Variants in WBP1L observed in about 807,000 individuals in gnomAD.
WBP1L encodes WW domain binding protein 1 like, also known as WW domain binding protein 1-like.
A neutral mutation model predicts 33.7 loss-of-function variants in WBP1L; 17 were observed. The ratio of observed to expected loss-of-function variants is 0.50; its 90% confidence interval spans 0.34 to 0.76. The LOEUF (loss-of-function observed/expected upper bound fraction) is 0.76. Ranked by LOEUF, WBP1L falls within the 30% of genes least tolerant of loss-of-function variation. The probability of loss-of-function intolerance (pLI) is 0.01; values close to 1 mark genes in which losing one functional copy is unlikely to be tolerated. For missense variants in WBP1L, 389 were observed against 469.4 expected, an observed-to-expected ratio of 0.83 and a Z score of 1.58; for synonymous variants, 173 against 190.8, an observed-to-expected ratio of 0.91 and a Z score of 0.77.
rs769224395 is a variant in WBP1L at position 102,783,164 on chromosome 10, CAT to C, written c.91-14827_91-14826del. Among the ~76,000 whole-genome samples, 17 of 152,284 alleles carry C rather than the reference CAT, an allele frequency of 1.1e-4. No individual in the cohort carries two copies. The East Asian group carries it at 2.9e-3, about 26-fold the overall frequency. ...GGGCGGACCGCCAGCACAAATAGAA[CAT>C]ACAGTCATTCCTGCGTCTCTGTGTA... On this transcript the variant is annotated intron_variant, in intron 1 of 3. Coordinates refer to ENST00000448841, the MANE Select transcript of WBP1L (RefSeq NM_001083913.2).
At chr10:102,786,440 G>C (rs570598426) in intron 1 of WBP1L, among the ~76,000 whole-genome samples, 3 of 152,248 alleles carry the variant, frequency 2.0e-5, no homozygotes, top group African/African-American at 7.2e-5. Flanking sequence ...ACATAACCAG[G>C]GGAGCATGTT....
In WBP1L at chr10:102,814,216, G is replaced by A. The variant is rs1382003496; in HGVS notation, c.*885G>A. ...AGATGTCTCGTGTGAAGGCTGGGGT[G>A]GCGGCTGTCTTGGAACCTCTGTGAG... On this transcript the variant is annotated 3_prime_UTR_variant, in exon 4 of 4. Transcript: ENST00000448841. 2 of 152,260 alleles carry A rather than the reference G, an allele frequency of 1.3e-5. No individual in the cohort carries two copies. The highest frequency in any genetic ancestry group is 2.9e-5 in the Non-Finnish European group (2 of 68,048). 9.4% of individuals were successfully genotyped at this position (152,260 alleles called of 1,614,324 possible).
At position 102,815,931 on chromosome 10, in the gene WBP1L, C is replaced by T. The variant is rs1843935058; in HGVS notation, c.*2600C>T. On this transcript the variant is annotated 3_prime_UTR_variant, in exon 4 of 4. Coordinates refer to ENST00000448841, the MANE Select transcript of WBP1L (RefSeq NM_001083913.2). ...TTTGGCCCCCGCTACAGGATGCTGCCCTGCTCAGAGAGAGATTTAATAGGG... is the reference window on the plus strand; with the variant it reads ...TTTGGCCCCCGCTACAGGATGCTGCTCTGCTCAGAGAGAGATTTAATAGGG... 6.6e-6 allele frequency: 1 copy of T among 152,494 alleles called. No homozygotes were observed. 9.4% of individuals were successfully genotyped at this position (152,494 alleles called of 1,614,324 possible).
In WBP1L at chr10:102,781,398, T is replaced by C. The variant is rs565461243; in HGVS notation, c.91-16595T>C. On this transcript the variant is annotated intron_variant, in intron 1 of 3. Transcript: ENST00000448841. ...GAGGGAGGAGGTCTTATCTCCTTTT[T>C]GCTGTAAGGAAACTGAAACCCAGGG... Among the ~76,000 whole-genome samples the C allele has an allele frequency of 1.4e-3, 206 of 152,282 alleles. 1 individual carries two copies. Among genetic ancestry groups the C allele is most frequent in the African/African-American group, 4.8e-3 (201 of 41,552 alleles).
intron 1 of WBP1L, among the ~76,000 whole-genome samples, chr10:102,775,921 A>G (rs1843255053): frequency 6.6e-6 from 1 of 152,012 alleles, no homozygotes; most frequent in African/African-American, 2.4e-5. Context: ...GACTTGATTT[A>G]TGTACCCCCC....
chr10:102,746,770 A>G (rs1842868077), intron 1 of WBP1L, among the ~76,000 whole-genome samples: 1 of 152,216 alleles, frequency 6.6e-6, no homozygotes, highest in South Asian at 2.1e-4. Flanking sequence ...CTCATTCTGT[A>G]TCGAATAATG....
At chr10:102,747,358 CAAAAA>C (rs71019610) in intron 1 of WBP1L, among the ~76,000 whole-genome samples, 2 of 79,020 alleles carry the variant, frequency 2.5e-5, no homozygotes, top group Non-Finnish European at 5.0e-5. Flanking sequence ...GACTCCGTCT[CAAAAA>C]AAAAAAAAAA....
chr10:102,750,431 A>T (rs1385469969), intron 1 of WBP1L, among the ~76,000 whole-genome samples: 1 of 152,160 alleles, frequency 6.6e-6, no homozygotes, highest in African/African-American at 2.4e-5. Context: ...GGTAATTTAC[A>T]TGCCAAAAAA....
At chr10:102,762,299 A>C (rs1420754935) in intron 1 of WBP1L, among the ~76,000 whole-genome samples, 2 of 152,230 alleles carry the variant, frequency 1.3e-5, no homozygotes, top group Non-Finnish European at 1.5e-5. Context: ...CTTGACAATA[A>C]TCCCTTAATG....
At chr10:102,757,697 C>G (rs1389170042) in intron 1 of WBP1L, among the ~76,000 whole-genome samples, 4 of 149,218 alleles carry the variant, frequency 2.7e-5, no homozygotes, top group African/African-American at 9.9e-5. Context: ...CCACCTTAGC[C>G]TCCTTAGTAG....
chr10:102,747,989 G>C (rs966692511), intron 1 of WBP1L, among the ~76,000 whole-genome samples: 1 of 151,932 alleles, frequency 6.6e-6, no homozygotes, highest in African/African-American at 2.4e-5. Flanking sequence ...TGGCACGGTG[G>C]CTCACACCTG....
chr10:102,764,311 G>A (rs572762956), intron 1 of WBP1L, among the ~76,000 whole-genome samples: 1 of 152,304 alleles, frequency 6.6e-6, no homozygotes, highest in South Asian at 2.1e-4. Flanking sequence ...TTCTGGGAGG[G>A]CCAATGGCTG....
chr10:102,764,310 G>A (rs954377276), intron 1 of WBP1L, among the ~76,000 whole-genome samples: 1 of 152,134 alleles, frequency 6.6e-6, no homozygotes, highest in South Asian at 2.1e-4. Context: ...TTTCTGGGAG[G>A]GCCAATGGCT....
chr10:102,758,640 A>ATT (rs1843004676), intron 1 of WBP1L, among the ~76,000 whole-genome samples: 1 of 152,246 alleles, frequency 6.6e-6, no homozygotes, highest in African/African-American at 2.4e-5. Context: ...TGTAATAAAT[A>ATT]AAGACACAAG....
intron 1 of WBP1L, among the ~76,000 whole-genome samples, chr10:102,780,565 A>C (rs1843322140): frequency 6.6e-6 from 1 of 152,220 alleles, no homozygotes; most frequent in South Asian, 2.1e-4. Flanking sequence ...AGTCCTGTGC[A>C]CCTGTTCTAC....
intron 2 of WBP1L, chr10:102,803,953 C>T (rs980150956): frequency 1.3e-5 from 2 of 151,934 alleles, no homozygotes; most frequent in African/African-American, 4.8e-5. Flanking sequence ...AGCACCTATA[C>T]TAAAATTGGA....
chr10:102,790,872 G>C (rs1182663133), intron 1 of WBP1L, among the ~76,000 whole-genome samples: 3 of 151,996 alleles, frequency 2.0e-5, no homozygotes, highest in Admixed American at 6.6e-5. Flanking sequence ...GTTCAGTTTT[G>C]TATTTCTGCC....
intron 2 of WBP1L, among the ~76,000 whole-genome samples, chr10:102,805,965 C>G (rs987506863): frequency 1.3e-5 from 2 of 151,416 alleles, no homozygotes; most frequent in African/African-American, 4.9e-5. Context: ...CTTTGGGAGG[C>G]TGAGGCGGGC....
intron 1 of WBP1L, among the ~76,000 whole-genome samples, chr10:102,747,742 G>A (rs1201618256): frequency 6.6e-6 from 1 of 152,084 alleles, no homozygotes; most frequent in Admixed American, 6.5e-5. Flanking sequence ...TGCCCAGGCC[G>A]GTCGCAAACT....
Sources: allele counts gnomAD v4.1 joint callset (sites outside exome capture counted in the v4.1 genomes callset), GRCh38; gene constraint gnomAD v4.1.1; transcripts MANE v1.5; gene names NCBI Gene and HGNC (gene_info 2026-07-23, HGNC 2026-07-21).